Variants in COL11A1 observed in about 807,000 individuals in gnomAD.
COL11A1 encodes collagen type XI alpha 1 chain.
Under a neutral mutation model 265.2 loss-of-function variants are expected in COL11A1, and 74 were observed. The observed-to-expected ratio is 0.28, with a 90% CI of 0.23 to 0.34. The LOEUF (loss-of-function observed/expected upper bound fraction) is 0.34. COL11A1 is among the 10% of genes least tolerant of loss of function. The pLI is 1.00. For synonymous variants in COL11A1, 816 were observed against 727.6 expected (o/e 1.12, Z -1.96); for missense variants, 2,165 against 2,263.6 (o/e 0.96, Z 0.88).
intron 4 of COL11A1, among the ~76,000 whole-genome samples, chr1:103,071,740 C>T: frequency 7.0e-6 from 1 of 143,414 alleles, no homozygotes; most frequent in African/African-American, 2.5e-5. Context: ...TGTTAGTTGC[C>T]CATATCAAAA....
At chr1:103,021,249 G>A (rs921616901) in intron 9 of COL11A1, among the ~76,000 whole-genome samples, 1 of 151,466 alleles carries the variant, frequency 6.6e-6, no homozygotes, top group African/African-American at 2.4e-5. Flanking sequence ...TGAAAAGGAA[G>A]TAAAAAATAT....
intron 18 of COL11A1, 106 bp downstream of exon 18, chr1:103,005,732 C>T: frequency 7.4e-7 from 1 of 1,354,556 alleles, no homozygotes; most frequent in Non-Finnish European, 1.0e-6. Flanking sequence ...AGTGGATTCA[C>T]AAACGTTAAA....
chr1:103,017,863 C>A lies in COL11A1; in HGVS notation c.1370G>T (p.Gly457Val). Residue 457 changes from glycine to valine, a missense_variant, in exon 11 of 67, where the codon GGT becomes GTT. Coordinates refer to ENST00000370096, the MANE Select transcript of COL11A1 (RefSeq NM_001854.4). The stretch of plus-strand genomic sequence containing the variant: ...AGGGGGTCCAGTGGGGCCTTGTAGA[C>A]CTGGAGGACCCATAATACCCTATAG... ...AGPAGIMGPP[G>V]LQGPTGPPGD... 6.2e-7 allele frequency: 1 copy of A among 1,613,058 alleles called. No homozygotes were observed. Among genetic ancestry groups the A allele is most frequent in the Non-Finnish European group, 8.5e-7 (1 of 1,179,214 alleles).
At chr1:102,986,626 A>T (rs1375116192) in intron 30 of COL11A1, among the ~76,000 whole-genome samples, 1 of 152,164 alleles carries the variant, frequency 6.6e-6, no homozygotes, top group Non-Finnish European at 1.5e-5. Flanking sequence ...AAACATTTGA[A>T]TTATACCAGC....
At chr1:102,918,393 C>T (rs1557818795) in intron 49 of COL11A1, among the ~76,000 whole-genome samples, 1 of 151,730 alleles carries the variant, frequency 6.6e-6, no homozygotes, top group Non-Finnish European at 1.5e-5. Context: ...ACATGAAGAA[C>T]AGGTTAAATA....
intron 54 of COL11A1, among the ~76,000 whole-genome samples, chr1:102,908,457 CA>C (rs1557804341): frequency 6.6e-6 from 1 of 151,970 alleles, no homozygotes; most frequent in African/African-American, 2.4e-5. Context: ...GACTGGAGGT[CA>C]AAAAATTACT....
intron 31 of COL11A1, among the ~76,000 whole-genome samples, chr1:102,981,971 A>G (rs1056547744): frequency 3.3e-5 from 5 of 151,934 alleles, no homozygotes; most frequent in Admixed American, 6.6e-5. Flanking sequence ...GTAAAAAAAA[A>G]ATTTAAATTT....
chr1:103,040,977 T>C (rs1668766900), intron 4 of COL11A1, among the ~76,000 whole-genome samples: 1 of 151,932 alleles, frequency 6.6e-6, no homozygotes, highest in African/African-American at 2.4e-5. Flanking sequence ...TCTTAATCAG[T>C]ATTTATTTTT....
intron 65 of COL11A1, 42 bp downstream of exon 65, chr1:102,881,655 T>C: frequency 6.9e-7 from 1 of 1,449,322 alleles, no homozygotes; most frequent in Non-Finnish European, 9.7e-7. Context: ...TGTCACTTCT[T>C]GAGTTCGTGA....
chr1:103,029,604 A>G lies in COL11A1; in HGVS notation c.780+1512T>C, dbSNP rs190931223. Among the ~76,000 whole-genome samples the G allele has an allele frequency of 3.1e-3, 467 of 152,158 alleles. 3 individuals carry two copies. The highest frequency in any genetic ancestry group is 0.011 in the African/African-American group (449 of 41,564). The stretch of plus-strand genomic sequence containing the variant: ...TGACTTACTCAATCTAAAAAAAGGT[A>G]AAAATGCTATATATTATTGCATTAC... On this transcript the variant is annotated intron_variant, in intron 5 of 66. Transcript: ENST00000370096.
At chr1:103,093,381 A>G (rs1673480333) in intron 1 of COL11A1, among the ~76,000 whole-genome samples, 2 of 152,148 alleles carry the variant, frequency 1.3e-5, no homozygotes, top group Non-Finnish European at 2.9e-5. Context: ...ACCACTGAGG[A>G]GAAAGAATAG....
intron 46 of COL11A1, among the ~76,000 whole-genome samples, chr1:102,929,602 A>T (rs1433838669): frequency 6.6e-6 from 1 of 152,002 alleles, no homozygotes; most frequent in Non-Finnish European, 1.5e-5. Context: ...TATGAACTTT[A>T]AAGTAGTTTT....
chr1:103,107,578 T>C (rs1034324262), intron 1 of COL11A1, among the ~76,000 whole-genome samples: 1 of 140,108 alleles, frequency 7.1e-6, no homozygotes, highest in Admixed American at 7.7e-5. Flanking sequence ...TAAAACAGCC[T>C]GCTTCTCACT....
chr1:103,052,100 A>G (rs1669882582), intron 4 of COL11A1, among the ~76,000 whole-genome samples: 1 of 152,114 alleles, frequency 6.6e-6, no homozygotes, highest in Admixed American at 6.5e-5. Flanking sequence ...GTTCTATTCC[A>G]TATTGAAAAT....
chr1:103,054,717 C>T (rs924725030), intron 4 of COL11A1, among the ~76,000 whole-genome samples: 2 of 151,944 alleles, frequency 1.3e-5, no homozygotes, highest in Non-Finnish European at 2.9e-5. Flanking sequence ...GCCTCGCCAA[C>T]GTGGTAAAAC....
intron 13 of COL11A1, 63 bp downstream of exon 13, chr1:103,014,448 C>A: frequency 1.5e-6 from 2 of 1,297,662 alleles, no homozygotes; most frequent in Non-Finnish European, 2.2e-6. Context: ...TCCGTATGTA[C>A]ACACATATAT....
chr1:103,027,079 C>T (rs868188410), intron 5 of COL11A1, among the ~76,000 whole-genome samples: 1 of 151,426 alleles, frequency 6.6e-6, no homozygotes, highest in Non-Finnish European at 1.5e-5. Flanking sequence ...AGGCATAACA[C>T]TTAGCTTTCT....
intron 42 of COL11A1, among the ~76,000 whole-genome samples, chr1:102,944,817 T>G (rs1407412745): frequency 6.6e-6 from 1 of 152,204 alleles, no homozygotes; most frequent in African/African-American, 2.4e-5. Context: ...GTCTATTTTC[T>G]CTGTATGCAT....
At chr1:103,006,466 G>T in intron 15 of COL11A1, 151 bp from the exon 16 acceptor site, 2 of 314,466 alleles carry the variant, frequency 6.4e-6, no homozygotes, top group Non-Finnish European at 1.1e-5. Context: ...TAAAAGTTCA[G>T]ATAAAGCAGA....
Sources: allele counts gnomAD v4.1 joint callset (sites outside exome capture counted in the v4.1 genomes callset), GRCh38; gene constraint gnomAD v4.1.1; transcripts MANE v1.5; gene names NCBI Gene and HGNC (gene_info 2026-07-23, HGNC 2026-07-21).